MVD: variants seen among roughly 807,000 people sequenced by gnomAD.
The protein encoded by MVD is mevalonate diphosphate decarboxylase.
A neutral mutation model predicts 42.4 loss-of-function variants in MVD; 52 were observed. The ratio of observed to expected loss-of-function variants is 1.23; its 90% CI spans 0.98 to 1.55. The LOEUF (loss-of-function observed/expected upper bound fraction) is 1.55, where lower values mean the gene tolerates loss of function less well. Ranked by LOEUF, MVD falls within the 40% of genes most tolerant of loss-of-function variation. MVD has a pLI of 0.00. For synonymous variants in MVD, 287 were observed against 243.2 expected (o/e 1.18, Z -1.68); for missense variants, 663 against 572.1 (o/e 1.16, Z -1.62).
At chr16:88,657,664 G>A (rs2142903740) in intron 3 of MVD, 82 bp from the exon 4 acceptor site, 1 of 1,556,206 alleles carries the variant, frequency 6.4e-7, no homozygotes, top group Non-Finnish European at 8.8e-7. Context: ...CGGGGTCACA[G>A]CTGAACACCA....
At chr16:88,656,038 C>T in intron 5 of MVD, 67 bp downstream of exon 5, 1 of 1,523,402 alleles carries the variant, frequency 6.6e-7, no homozygotes, top group East Asian at 2.3e-5. Context: ...GCTCCTGCTC[C>T]CGGCAGCAGC....
chr16:88,654,824 T>C lies in MVD; in HGVS notation c.898-17A>G. ...GTACGCCACCTGGAACCCACAGCAG[T>C]CACCCTGGCTATTCACGTGGTGCCT... On this transcript the variant is annotated splice_polypyrimidine_tract_variant and intron_variant, in intron 7 of 9. Coordinates refer to ENST00000301012, the MANE Select transcript of MVD (RefSeq NM_002461.3). 6.4e-7 allele frequency: 1 copy of C among 1,555,576 alleles called. No homozygotes were observed. Among genetic ancestry groups the C allele is most frequent in the East Asian group, 2.3e-5 (1 of 43,262 alleles).
At chr16:88,660,622 G>C (rs1046795160) in intron 1 of MVD, 2 of 151,976 alleles carry the variant, frequency 1.3e-5, no homozygotes, top group African/African-American at 2.4e-5. Flanking sequence ...TCCAGCCTGG[G>C]TGTCGCAGTG....
intron 8 of MVD, among the ~76,000 whole-genome samples, chr16:88,654,363 C>T (rs1368354208): frequency 4.6e-5 from 7 of 152,242 alleles, no homozygotes; most frequent in South Asian, 2.1e-4. Context: ...ACGCACACAT[C>T]TGGGAGTGCA....
At chr16:88,660,315 C>G (rs1473622179) in intron 1 of MVD, among the ~76,000 whole-genome samples, 4 of 152,218 alleles carry the variant, frequency 2.6e-5, no homozygotes, top group Non-Finnish European at 5.9e-5. Context: ...AGACCAGAGT[C>G]TCTGAACGTT....
intron 4 of MVD, 119 bp downstream of exon 4, chr16:88,657,317 T>A: frequency 7.2e-7 from 1 of 1,382,920 alleles, no homozygotes; most frequent in Non-Finnish European, 9.9e-7. Context: ...CAGGGAGGCC[T>A]GGGGTGAGGG....
rs769920212 is a variant in MVD, at chr16:88,652,463, C to G, written c.*62G>C. 57 of 1,526,538 alleles carry G rather than the reference C, an allele frequency of 3.7e-5. No homozygotes were observed. In the African/African-American group the frequency reaches 6.5e-4, roughly 17 times the overall value. 94.6% of individuals were successfully genotyped at this position (1,526,538 alleles called of 1,614,324 possible). A position where few individuals can be genotyped will look rare whatever the true frequency, so the allele number is the denominator to read the frequency against. On this transcript the variant is annotated 3_prime_UTR_variant, in exon 10 of 10. Coordinates refer to ENST00000301012, the MANE Select transcript of MVD (RefSeq NM_002461.3). ...AGGAGTCCGGCCAGCCCACCACATCCGCTCCCTAGCTCCGGCGAGGCCACC... is the reference window on the plus strand; with the variant it reads ...AGGAGTCCGGCCAGCCCACCACATCGGCTCCCTAGCTCCGGCGAGGCCACC...
chr16:88,658,865 T>A, intron 1 of MVD, 145 bp from the exon 2 acceptor site: 4 of 620,990 alleles, frequency 6.4e-6, no homozygotes, highest in Non-Finnish European at 1.1e-5. Flanking sequence ...CCCCTCCTCC[T>A]GCCAGACCCC....
In MVD at chr16:88,657,986, T is replaced by G; in HGVS notation, c.185A>C (p.Glu62Ala). Residue 62 changes from glutamate (E) to alanine (A), a missense_variant, in exon 3 of 10, where the codon GAG becomes GCG. Coordinates refer to ENST00000301012, the MANE Select transcript of MVD (RefSeq NM_002461.3). The stretch of plus-strand genomic sequence containing the variant: ...CCGGCCATTCAGCCAAATCCGGTCC[T>G]CGGTGAAGTCCTTGCTGATGACGGC... ...TTAVISKDFT[E>A]DRIWLNGREE... 6.2e-7 allele frequency: 1 copy of G among 1,614,052 alleles called. No individual in the cohort carries two copies. Among genetic ancestry groups the G allele is most frequent in the Non-Finnish European group, 8.5e-7 (1 of 1,180,026 alleles).
Position 88,655,961 on chromosome 16 carries a change from A to G in MVD, c.603+144T>C, listed in dbSNP as rs971651316. ...CATGGGAGCGGTTCCTGAGCACTCA[A>G]CCACGCTTCTGTTCCTTCAGCCCCC... is the stretch of plus-strand genomic sequence containing the variant. On this transcript the variant is annotated intron_variant, in intron 5 of 9. Transcript: ENST00000301012. 92 of 1,251,032 alleles carry G rather than the reference A, an allele frequency of 7.4e-5. No individual in the cohort carries two copies. The East Asian group carries it at 2.2e-3, about 30-fold the overall frequency. The allele number at this position is 1,251,032 out of a possible 1,614,324, so 77.5% of individuals were successfully genotyped here. A position where few individuals can be genotyped will look rare whatever the true frequency, so the allele number is the denominator to read the frequency against.
In MVD at chr16:88,652,017, C is replaced by T. The variant is rs543440507; in HGVS notation, c.*508G>A. The stretch of plus-strand genomic sequence containing the variant: ...CTCCTGCCACCATTCCAGCCACACC[C>T]AGGCCGTGGGCAGCCACCCTCCGAG... On this transcript the variant is annotated 3_prime_UTR_variant, in exon 10 of 10. Transcript: ENST00000301012. 1.9e-5 allele frequency: 4 copies of T among 206,394 alleles called. No homozygotes were observed. Among genetic ancestry groups the T allele is most frequent in the African/African-American group, 7.1e-5 (3 of 42,074 alleles). The allele number at this position is 206,394 out of a possible 1,614,324, so 12.8% of individuals were successfully genotyped here.
rs1488556161 is a variant in MVD at position 88,654,746 on chromosome 16, G to A, written c.959C>T (p.Ala320Val). 6.2e-7 allele frequency: 1 copy of A among 1,603,642 alleles called. No individual in the cohort carries two copies. The highest frequency in any genetic ancestry group is 8.5e-7 in the Non-Finnish European group (1 of 1,176,688). ...AVIFTLDDTV[A>V]EFVAAVWHGF... ...GTGCCACACAGCAGCCACAAACTCAGCCACAGTGTCGTCCAGGGTGAAGAT... is the reference window on the plus strand; with the variant it reads ...GTGCCACACAGCAGCCACAAACTCAACCACAGTGTCGTCCAGGGTGAAGAT... Residue 320 changes from alanine (A) to valine (V), a missense_variant, in exon 8 of 10, where the codon GCT becomes GTT. Transcript: ENST00000301012.
rs200508667 is a variant in MVD at position 88,657,920 on chromosome 16, C to T, written c.251G>A (p.Arg84Gln). 4.7e-5 allele frequency: 76 copies of T among 1,613,266 alleles called. No individual in the cohort carries two copies. Among genetic ancestry groups the T allele is most frequent in the Non-Finnish European group, 5.9e-5 (70 of 1,179,886 alleles). ...VGQPRLQACL[R>Q]EIRCLARKRR... Reference sequence around the variant, plus strand: ...TTATGGGGACCCCAGCTCACTCTCCCGCAGGCAGGCCTGCAGCCGCGGCTG... The same window carrying T: ...TTATGGGGACCCCAGCTCACTCTCCTGCAGGCAGGCCTGCAGCCGCGGCTG... The change falls in exon 3 of 10, where the codon CGG (arginine) becomes CAG (glutamine). Residue 84 changes from arginine (R) to glutamine (Q), a missense_variant. Coordinates refer to ENST00000301012, the MANE Select transcript of MVD (RefSeq NM_002461.3).
intron 8 of MVD, among the ~76,000 whole-genome samples, chr16:88,654,150 C>T (rs1424873287): frequency 2.7e-5 from 4 of 148,772 alleles, no homozygotes; most frequent in Admixed American, 6.7e-5. Flanking sequence ...GGGGAAGAGG[C>T]GGTTCAGGGC....
At position 88,654,712 on chromosome 16, in the gene MVD, G is replaced by A. The variant is rs143356821; in HGVS notation, c.993C>T (p.Pro331=). 15 of 1,599,776 alleles carry A rather than the reference G, an allele frequency of 9.4e-6. No individual in the cohort carries two copies. The African/African-American group carries it at 1.9e-4, about 20-fold the overall frequency. The change falls in exon 8 of 10, where the codon CCC becomes CCT. Residue 331 remains proline (P), a synonymous_variant. Transcript: ENST00000301012. ...EFVAAVWHGF[P]PGSNGDTFLK... is the part of the protein sequence containing the mutation. ...CTCACGTGTCTCCATTCGAGCCTGGGGGAAAGCCGTGCCACACAGCAGCCA... is the reference window on the plus strand; with the variant it reads ...CTCACGTGTCTCCATTCGAGCCTGGAGGAAAGCCGTGCCACACAGCAGCCA...
intron 1 of MVD, among the ~76,000 whole-genome samples, chr16:88,662,392 T>A (rs1178907803): frequency 6.6e-6 from 1 of 152,152 alleles, no homozygotes; most frequent in Non-Finnish European, 1.5e-5. Flanking sequence ...TTCAGAACAT[T>A]TTGAAATGAC....
At chr16:88,655,006 C>A (rs552170907) in intron 7 of MVD, 193 bp downstream of exon 7, 2 of 880,162 alleles carry the variant, frequency 2.3e-6, no homozygotes, top group Non-Finnish European at 3.4e-6. Context: ...GTGGTGGGGC[C>A]GTGACCCGGG....
rs1465856301 is a variant in MVD, at chr16:88,655,387, T to A, written c.709A>T (p.Met237Leu). Reference protein sequence around the residue: ...FRAESVVPARMAEMARCIRER... With the variant: ...FRAESVVPARLAEMARCIRER... Reference sequence around the variant, plus strand: ...CGGATGCAGCGGGCCATCTCCGCCATGCGCGCGGGCACCACGGACTCGGCC... The same window carrying A: ...CGGATGCAGCGGGCCATCTCCGCCAAGCGCGCGGGCACCACGGACTCGGCC... Residue 237 changes from methionine (M) to leucine (L), a missense_variant, in exon 7 of 10, where the codon ATG becomes TTG. Coordinates refer to ENST00000301012, the MANE Select transcript of MVD (RefSeq NM_002461.3). 1.9e-6 allele frequency: 3 copies of A among 1,592,050 alleles called. No individual in the cohort carries two copies. Among genetic ancestry groups the A allele is most frequent in the Non-Finnish European group, 2.6e-6 (3 of 1,171,262 alleles).
chr16:88,657,657 G>C (rs1908020292), intron 3 of MVD, 75 bp from the exon 4 acceptor site: 6 of 1,568,322 alleles, frequency 3.8e-6, no homozygotes, highest in African/African-American at 1.3e-5. Context: ...ACCTGCCCGG[G>C]GTCACAGCTG....
Sources: gnomAD v4.1 joint callset for allele counts (sites outside exome capture counted in the v4.1 genomes callset) on GRCh38, gnomAD v4.1.1 for gene constraint, MANE v1.5 for transcripts, NCBI Gene and HGNC (gene_info 2026-07-23, HGNC 2026-07-21) for gene names.